PPARGC1B: variants seen among roughly 807,000 people sequenced by gnomAD.
The protein encoded by PPARGC1B is PPARG coactivator 1 beta.
Under a neutral mutation model 101.6 loss-of-function variants are expected in PPARGC1B, and 34 were observed. The observed-to-expected ratio is 0.33, with a 90% CI of 0.25 to 0.45. The LOEUF (loss-of-function observed/expected upper bound fraction) is 0.45, where lower values mean the gene tolerates loss of function less well. PPARGC1B is among the 20% of genes least tolerant of loss of function. The pLI, the probability that PPARGC1B is intolerant of heterozygous loss-of-function variation, is 1.00. For synonymous variants in PPARGC1B, 548 were observed against 539.3 expected (o/e 1.02, Z -0.22); for missense variants, 1,234 against 1,317.6 (o/e 0.94, Z 0.98).
intron 1 of PPARGC1B, among the ~76,000 whole-genome samples, chr5:149,760,198 A>C (rs540816385): frequency 3.3e-5 from 5 of 152,296 alleles, no homozygotes; most frequent in African/African-American, 4.8e-5. Context: ...GCCAGCAGAC[A>C]GCAAACTGCC....
intron 1 of PPARGC1B, among the ~76,000 whole-genome samples, chr5:149,786,749 C>T (rs1350930858): frequency 1.3e-5 from 2 of 152,130 alleles, no homozygotes; most frequent in East Asian, 3.9e-4. Context: ...TCAGAGGGTT[C>T]GAGTGGAGAT....
intron 2 of PPARGC1B, among the ~76,000 whole-genome samples, chr5:149,825,734 C>T (rs1370656558): frequency 6.6e-6 from 1 of 152,156 alleles, no homozygotes; most frequent in Non-Finnish European, 1.5e-5. Context: ...TGTTTATCAC[C>T]AGCGTCCAGC....
intron 7 of PPARGC1B, among the ~76,000 whole-genome samples, 200 bp downstream of exon 7, chr5:149,835,565 A>G (rs1759019835): frequency 6.6e-6 from 1 of 152,104 alleles, no homozygotes; most frequent in African/African-American, 2.4e-5. Context: ...CATAAAGAAG[A>G]CTCACTGGGA....
chr5:149,804,645 G>A (rs750742637), intron 1 of PPARGC1B, among the ~76,000 whole-genome samples: 15 of 152,192 alleles, frequency 9.9e-5, no homozygotes, highest in Non-Finnish European at 2.1e-4. Flanking sequence ...ACTCCAGCTG[G>A]GGCGACAGAG....
intron 1 of PPARGC1B, among the ~76,000 whole-genome samples, chr5:149,776,791 T>G (rs1359943225): frequency 2.6e-5 from 4 of 152,216 alleles, no homozygotes; most frequent in Non-Finnish European, 5.9e-5. Context: ...TTCAGACAAG[T>G]TTGAGCAGGA....
rs1024978 is a variant in PPARGC1B, at chr5:149,834,814, C to T, written c.1742+104C>T. ...ATTCATCAGCGCCCACCCCTGGCCC[C>T]GGCCCCACACCCTGTGCCCTGATTG... On this transcript the variant is annotated intron_variant, in intron 6 of 11. Coordinates refer to ENST00000309241, the MANE Select transcript of PPARGC1B (RefSeq NM_133263.4). The T allele has an allele frequency of 0.049, 49,025 of 1,002,594 alleles. 2,704 individuals are homozygous for T. The highest frequency in any genetic ancestry group is 0.23 in the African/African-American group (14,563 of 62,190). The allele number at this position is 1,002,594 out of a possible 1,614,324, so 62.1% of individuals were successfully genotyped here.
rs1053816582 is a variant in PPARGC1B at position 149,797,358 on chromosome 5, G to A, written c.79-23075G>A. Among the ~76,000 whole-genome samples, 7 of 152,184 alleles carry A rather than the reference G, an allele frequency of 4.6e-5. No individual in the cohort carries two copies. The South Asian group carries it at 1.4e-3, about 31-fold the overall frequency. ...GAAATTTAGCATTTCCTTTATGAAT[G>A]TAGGGGACAAAAAAAAGTATTAGTG... On this transcript the variant is annotated intron_variant, in intron 1 of 11. Coordinates refer to ENST00000309241, the MANE Select transcript of PPARGC1B (RefSeq NM_133263.4).
chr5:149,770,370 A>G (rs1440945818), intron 1 of PPARGC1B, among the ~76,000 whole-genome samples: 1 of 152,138 alleles, frequency 6.6e-6, no homozygotes, highest in Non-Finnish European at 1.5e-5. Flanking sequence ...TTTGCCCCAT[A>G]GCCCCTCAAA....
At position 149,820,607 on chromosome 5, in the gene PPARGC1B, G is replaced by T. The variant is rs766251065; in HGVS notation, c.252+1G>T. 1 of 1,606,702 alleles carries T rather than the reference G, an allele frequency of 6.2e-7. No homozygotes were observed. Among genetic ancestry groups the T allele is most frequent in the Admixed American group, 1.7e-5 (1 of 59,932 alleles). On this transcript the variant is annotated splice_donor_variant, in intron 2 of 11. Coordinates refer to ENST00000309241, the MANE Select transcript of PPARGC1B (RefSeq NM_133263.4). LOFTEE classifies it high-confidence loss of function. ...CCCCGATGACTCCGAGCTCTTCCAG[G>T]TATGCCCTTTCCAGTCTCCCCTCCT...
At chr5:149,827,478 G>T (rs1056775646) in intron 3 of PPARGC1B, among the ~76,000 whole-genome samples, 13 of 152,202 alleles carry the variant, frequency 8.5e-5, no homozygotes, top group African/African-American at 1.9e-4. Context: ...TCCTTGGTAG[G>T]GTTTCACTGG....
At position 149,820,483 on chromosome 5, in the gene PPARGC1B, C is replaced by G. The variant is rs757894127; in HGVS notation, c.129C>G (p.Asp43Glu). ...EQLYADFPELDLSQLDASDFD... is the reference protein window; with the variant it reads ...EQLYADFPELELSQLDASDFD... ...TCTATGCTGACTTTCCAGAACTTGA[C>G]CTCTCCCAGCTGGATGCCAGCGACT... Residue 43 changes from aspartate (D) to glutamate (E), a missense_variant, in exon 2 of 12, where the codon GAC becomes GAG. By Grantham distance (45) the Asp-to-Glu change is conservative. Coordinates refer to ENST00000309241, the MANE Select transcript of PPARGC1B (RefSeq NM_133263.4). 5.0e-6 allele frequency: 8 copies of G among 1,613,984 alleles called. No individual in the cohort carries two copies. The African/African-American group carries it at 9.3e-5, about 19-fold the overall frequency.
At position 149,842,294 on chromosome 5, in the gene PPARGC1B, C is replaced by T. The variant is rs139060680; in HGVS notation, c.2733C>T (p.Ser911=). The T allele has an allele frequency of 1.4e-4, 218 of 1,614,048 alleles. No individual in the cohort carries two copies. The highest frequency in any genetic ancestry group is 3.9e-4 in the African/African-American group (29 of 75,028). The part of the protein sequence containing the change: ...GRVVYIQNLS[S]DMSSRELKRR... ...TGGTGTACATTCAAAATCTCTCCAG[C>T]GACATGAGCTCCCGAGAGCTGAAGA... Residue 911 remains serine (S), a synonymous_variant, in exon 10 of 12, where the codon AGC becomes AGT. Coordinates refer to ENST00000309241, the MANE Select transcript of PPARGC1B (RefSeq NM_133263.4).
intron 1 of PPARGC1B, among the ~76,000 whole-genome samples, chr5:149,741,021 G>A (rs1240443244): frequency 6.6e-6 from 1 of 152,180 alleles, no homozygotes; most frequent in Non-Finnish European, 1.5e-5. Flanking sequence ...AGGCAAGACA[G>A]GGCCCTCGGC....
intron 1 of PPARGC1B, among the ~76,000 whole-genome samples, chr5:149,786,106 T>TTTTG (rs1561537563): frequency 6.6e-6 from 1 of 151,296 alleles, no homozygotes; most frequent in African/African-American, 2.4e-5. Context: ...TTTTGTTTTG[T>TTTTG]TTTTGAGATG....
At chr5:149,748,162 G>C (rs565133813) in intron 1 of PPARGC1B, among the ~76,000 whole-genome samples, 5 of 152,132 alleles carry the variant, frequency 3.3e-5, no homozygotes, top group African/African-American at 9.7e-5. Context: ...GGAGGCACAC[G>C]AGAACAGTGA....
At chr5:149,755,603 A>G (rs1360341662) in intron 1 of PPARGC1B, among the ~76,000 whole-genome samples, 9 of 105,000 alleles carry the variant, frequency 8.6e-5, no homozygotes, top group African/African-American at 7.8e-5. Context: ...TGTTGTTATT[A>G]TTATTATTAT....
At chr5:149,774,614 A>G (rs914900132) in intron 1 of PPARGC1B, among the ~76,000 whole-genome samples, 1 of 151,634 alleles carries the variant, frequency 6.6e-6, no homozygotes, top group Non-Finnish European at 1.5e-5. Flanking sequence ...TCTAGCATGC[A>G]GGCCACACCT....
Position 149,820,594 on chromosome 5 carries a change from C to G in PPARGC1B, c.240C>G (p.Ser80=). 1 of 1,611,334 alleles carries G rather than the reference C, an allele frequency of 6.2e-7. No individual in the cohort carries two copies. The highest frequency in any genetic ancestry group is 2.2e-5 in the East Asian group (1 of 44,870). The change falls in exon 2 of 12, where the codon TCC becomes TCG. Residue 80 remains serine, a synonymous_variant. Coordinates refer to ENST00000309241, the MANE Select transcript of PPARGC1B (RefSeq NM_133263.4). ...CCAACCAGTACAGCCCCGATGACTC[C>G]GAGCTCTTCCAGGTATGCCCTTTCC... ...TEPNQYSPDD[S]ELFQIDSENE... is the part of the protein sequence containing the mutation.
intron 1 of PPARGC1B, among the ~76,000 whole-genome samples, chr5:149,743,944 G>A (rs1754996347): frequency 6.6e-6 from 1 of 152,314 alleles, no homozygotes; most frequent in Non-Finnish European, 1.5e-5. Flanking sequence ...GGTATCTGCA[G>A]GGAGGTGTCT....
Sources: allele counts gnomAD v4.1 joint callset (sites outside exome capture counted in the v4.1 genomes callset), GRCh38; gene constraint gnomAD v4.1.1; transcripts MANE v1.5; gene names NCBI Gene and HGNC (gene_info 2026-07-23, HGNC 2026-07-21).